KIF16B: variants seen among roughly 807,000 people sequenced by gnomAD.
The protein encoded by KIF16B is kinesin-like protein KIF16B.
A neutral mutation model predicts 156.3 loss-of-function variants in KIF16B; 98 were observed. The ratio of observed to expected loss-of-function variants is 0.63; its 90% CI spans 0.53 to 0.74. The LOEUF (loss-of-function observed/expected upper bound fraction) is 0.74. Ranked by LOEUF, KIF16B falls within the 30% of genes least tolerant of loss-of-function variation. KIF16B has a pLI of 0.00. For synonymous variants in KIF16B, 564 were observed against 583.7 expected (o/e 0.97, Z 0.49); for missense variants, 1,421 against 1,606.5 (o/e 0.88, Z 1.97).
intron 23 of KIF16B, among the ~76,000 whole-genome samples, chr20:16,346,616 T>C (rs1250017998): frequency 6.6e-6 from 1 of 152,194 alleles, no homozygotes; most frequent in Non-Finnish European, 1.5e-5. Flanking sequence ...AATAATGACT[T>C]CCCGATGCTT....
At chr20:16,414,214 G>A (rs1342739214) in intron 15 of KIF16B, among the ~76,000 whole-genome samples, 3 of 152,010 alleles carry the variant, frequency 2.0e-5, no homozygotes, top group Non-Finnish European at 4.4e-5. Flanking sequence ...AGGAAAAGAT[G>A]AAGATGGAAC....
At chr20:16,328,928 A>C (rs2122876920) in intron 24 of KIF16B, among the ~76,000 whole-genome samples, 1 of 152,318 alleles carries the variant, frequency 6.6e-6, no homozygotes, top group South Asian at 2.1e-4. Context: ...TTAAATTTCA[A>C]CACAATTTAG....
intron 12 of KIF16B, among the ~76,000 whole-genome samples, chr20:16,460,605 C>A (rs779500504): frequency 6.6e-6 from 1 of 152,060 alleles, no homozygotes; most frequent in Non-Finnish European, 1.5e-5. Context: ...GGCAATAAAG[C>A]TGTCATTTGA....
intron 1 of KIF16B, among the ~76,000 whole-genome samples, chr20:16,542,218 TA>T (rs1392181483): frequency 6.6e-6 from 1 of 152,170 alleles, no homozygotes; most frequent in Non-Finnish European, 1.5e-5. Flanking sequence ...TGAGTTACCT[TA>T]AGATGTGCAG....
At chr20:16,344,328 G>T (rs1430129296) in intron 23 of KIF16B, among the ~76,000 whole-genome samples, 1 of 152,170 alleles carries the variant, frequency 6.6e-6, no homozygotes, top group African/African-American at 2.4e-5. Context: ...GCTGCCATCT[G>T]ATTGCTCCTC....
intron 12 of KIF16B, among the ~76,000 whole-genome samples, chr20:16,473,443 G>T (rs976405456): frequency 2.6e-5 from 4 of 152,172 alleles, no homozygotes; most frequent in African/African-American, 9.7e-5. Flanking sequence ...TAAGGGACTG[G>T]AACTAGAATC....
intron 17 of KIF16B, among the ~76,000 whole-genome samples, chr20:16,385,058 G>T (rs967707824): frequency 1.3e-5 from 2 of 151,964 alleles, no homozygotes; most frequent in African/African-American, 4.8e-5. Context: ...TTAGCCAGGC[G>T]TGGTGGTGGG....
chr20:16,404,417 TGGCC>T (rs2065730004), intron 17 of KIF16B, among the ~76,000 whole-genome samples: 2 of 152,210 alleles, frequency 1.3e-5, no homozygotes, highest in African/African-American at 4.8e-5. Context: ...CTCCATTGGA[TGGCC>T]TAAGAATCAG....
At chr20:16,543,719 G>A (rs2147245911) in intron 1 of KIF16B, among the ~76,000 whole-genome samples, 1 of 152,330 alleles carries the variant, frequency 6.6e-6, no homozygotes, top group South Asian at 2.1e-4. Context: ...GGTCAAGCAA[G>A]ATGGTAAGCG....
chr20:16,415,112 G>A (rs2066054788), intron 15 of KIF16B, among the ~76,000 whole-genome samples: 1 of 152,110 alleles, frequency 6.6e-6, no homozygotes, highest in Non-Finnish European at 1.5e-5. Flanking sequence ...ATATGGAATA[G>A]GTCTGTCCTT....
intron 25 of KIF16B, among the ~76,000 whole-genome samples, chr20:16,278,516 T>C (rs1282526724): frequency 6.6e-6 from 1 of 152,188 alleles, no homozygotes; most frequent in Non-Finnish European, 1.5e-5. Flanking sequence ...AGTACCTCGA[T>C]TTCATGAATT....
rs564120453 is a variant in KIF16B, at chr20:16,493,802, C to G, written c.1302+489G>C. Among the ~76,000 whole-genome samples, 76 of 152,330 alleles carry G rather than the reference C, an allele frequency of 5.0e-4. 1 individual carries two copies. In the South Asian group the frequency reaches 9.1e-3, roughly 18 times the overall value. On this transcript the variant is annotated intron_variant, in intron 12 of 25. Transcript: ENST00000354981. ...TGCCAGAAACACAGGCCATCCCAGT[C>G]TAGTCCTTGAGACATGCAGAAAAAT...
At chr20:16,465,293 A>G (rs1227939427) in intron 12 of KIF16B, among the ~76,000 whole-genome samples, 1 of 152,206 alleles carries the variant, frequency 6.6e-6, no homozygotes, top group Admixed American at 6.5e-5. Flanking sequence ...ATTTAATCAT[A>G]ATAAATGGAA....
chr20:16,571,759 A>G (rs2071462632), intron 1 of KIF16B, among the ~76,000 whole-genome samples: 1 of 151,684 alleles, frequency 6.6e-6, no homozygotes, highest in Admixed American at 6.6e-5. Flanking sequence ...CCTCACGAGT[A>G]GCTGGGACTA....
At chr20:16,533,998 C>CGA (rs1432243529) in intron 1 of KIF16B, among the ~76,000 whole-genome samples, 1 of 152,138 alleles carries the variant, frequency 6.6e-6, no homozygotes, top group African/African-American at 2.4e-5. Context: ...CAATGGCTCC[C>CGA]GCCTGTAATC....
In KIF16B at chr20:16,378,980, C is replaced by T; in HGVS notation, c.3022G>A (p.Ala1008Thr). Residue 1008 changes from alanine (A) to threonine (T), a missense_variant, in exon 19 of 26, where the codon GCC becomes ACC. By Grantham distance (58) the Ala-to-Thr change is moderately conservative (BLOSUM62 0). Coordinates refer to ENST00000354981, the MANE Select transcript of KIF16B (RefSeq NM_024704.5). Reference sequence around the variant, plus strand: ...TGTCTCCTCTCCAGCCTGGCCAGGGCCCGCTCCAGCGCCTCTCTCTGCTGC... The same window carrying T: ...TGTCTCCTCTCCAGCCTGGCCAGGGTCCGCTCCAGCGCCTCTCTCTGCTGC... The part of the protein sequence containing the change: ...EKQQREALER[A>T]LARLERRHSA... 1 of 1,614,122 alleles carries T rather than the reference C, an allele frequency of 6.2e-7. No individual in the cohort carries two copies. Among genetic ancestry groups the T allele is most frequent in the Non-Finnish European group, 8.5e-7 (1 of 1,179,970 alleles).
chr20:16,317,846 A>T (rs2122760017), intron 24 of KIF16B, among the ~76,000 whole-genome samples: 1 of 152,336 alleles, frequency 6.6e-6, no homozygotes, highest in East Asian at 1.9e-4. Context: ...ATCAGGATGC[A>T]ATTCCACTCA....
At position 16,392,913 on chromosome 20, in the gene KIF16B, A is replaced by G. The variant is rs1032623259; in HGVS notation, c.1785-11166T>C. 3.9e-5 allele frequency among the ~76,000 whole-genome samples: 6 copies of G among 152,232 alleles called. No homozygotes were observed. In the East Asian group the frequency reaches 9.6e-4, roughly 24 times the overall value. On this transcript the variant is annotated intron_variant, in intron 17 of 25. Transcript: ENST00000354981. ...AAAGCAGACCAAGATTTATATAAAGATTAATTGAAATGTTATCAACAATTT... is the reference window on the plus strand; with the variant it reads ...AAAGCAGACCAAGATTTATATAAAGGTTAATTGAAATGTTATCAACAATTT...
At chr20:16,463,914 G>A (rs531317090) in intron 12 of KIF16B, among the ~76,000 whole-genome samples, 45 of 152,168 alleles carry the variant, frequency 3.0e-4, no homozygotes, top group African/African-American at 1.0e-3. Flanking sequence ...TCAAAGATTT[G>A]AGAACCACTG....
Sources: allele counts gnomAD v4.1 joint callset (sites outside exome capture counted in the v4.1 genomes callset), GRCh38; gene constraint gnomAD v4.1.1; transcripts MANE v1.5; gene names NCBI Gene and HGNC (gene_info 2026-07-23, HGNC 2026-07-21).